Variants in CDC42BPA observed in about 807,000 individuals in gnomAD.
CDC42BPA encodes serine/threonine-protein kinase MRCK alpha.
CDC42BPA carries 80 observed loss-of-function variants against 223.5 expected under a neutral mutation model. That is an observed-to-expected ratio of 0.36 (90% CI 0.30 to 0.43). The LOEUF (loss-of-function observed/expected upper bound fraction) is 0.43, where lower values mean the gene tolerates loss of function less well. Among genes scored for constraint, CDC42BPA ranks in the 20% least tolerant of loss-of-function variants. CDC42BPA has a pLI of 1.00. For missense variants in CDC42BPA, 1,743 were observed against 2,099.9 expected (o/e 0.83, Z 3.32); for synonymous variants, 694 against 718.6 (o/e 0.97, Z 0.55).
At chr1:227,123,845 G>A (rs1030196627) in intron 11 of CDC42BPA, among the ~76,000 whole-genome samples, 2 of 151,558 alleles carry the variant, frequency 1.3e-5, no homozygotes, top group Non-Finnish European at 2.9e-5. Flanking sequence ...AGGGAGGGGA[G>A]AGAGAGAGAG....
chr1:227,006,000 T>C (rs1237013030), intron 34 of CDC42BPA, among the ~76,000 whole-genome samples: 1 of 152,342 alleles, frequency 6.6e-6, no homozygotes, highest in Non-Finnish European at 1.5e-5. Flanking sequence ...GATGAGATGT[T>C]GGGGCTGACA....
At chr1:227,017,374 C>G (rs1482496084) in intron 32 of CDC42BPA, among the ~76,000 whole-genome samples, 1 of 152,160 alleles carries the variant, frequency 6.6e-6, no homozygotes, top group African/African-American at 2.4e-5. Flanking sequence ...TATCTCAATA[C>G]TATATTTTCT....
chr1:227,021,292 T>C (rs898290296), intron 32 of CDC42BPA, among the ~76,000 whole-genome samples: 11 of 152,146 alleles, frequency 7.2e-5, no homozygotes, highest in African/African-American at 2.7e-4. Flanking sequence ...ATGTAGTATC[T>C]GTGGAGCACG....
intron 23 of CDC42BPA, among the ~76,000 whole-genome samples, chr1:227,046,348 C>G (rs1278839732): frequency 6.6e-6 from 1 of 152,002 alleles, no homozygotes; most frequent in Admixed American, 6.6e-5. Context: ...GATATCCTCT[C>G]CAAGCAGAGT....
chr1:227,102,565 A>C (rs555786), intron 14 of CDC42BPA, among the ~76,000 whole-genome samples: 7,706 of 152,276 alleles, frequency 0.051, 431 homozygotes, highest in East Asian at 0.25. Context: ...GGATGGCAGC[A>C]GCATGTACAG....
Position 227,134,997 on chromosome 1 carries a change from T to C in CDC42BPA, c.1390+4579A>G, listed in dbSNP as rs568583726. ...CTTTGGTTTATTTTACTTAGTTCTC[T>C]TTGCTTTTTCAGTTGGAGTTGGGAA... On this transcript the variant is annotated intron_variant, in intron 10 of 36. Coordinates refer to ENST00000366766, the MANE Select transcript of CDC42BPA (RefSeq NM_001394014.1). Among the ~76,000 whole-genome samples, 5 of 152,358 alleles carry C rather than the reference T, an allele frequency of 3.3e-5. No individual in the cohort carries two copies. In the South Asian group the frequency reaches 1.0e-3, roughly 32 times the overall value.
At chr1:227,211,353 G>A (rs926602993) in intron 3 of CDC42BPA, among the ~76,000 whole-genome samples, 13 of 152,046 alleles carry the variant, frequency 8.6e-5, no homozygotes, top group African/African-American at 2.9e-4. Flanking sequence ...AAAACAGTAC[G>A]TCGATTTCTC....
At chr1:227,080,156 T>A (rs1680340674) in intron 17 of CDC42BPA, among the ~76,000 whole-genome samples, 1 of 152,118 alleles carries the variant, frequency 6.6e-6, no homozygotes, top group Admixed American at 6.5e-5. Flanking sequence ...GCTCAACCTG[T>A]ATTTGTTTTG....
chr1:226,993,976 T>C lies in CDC42BPA; in HGVS notation c.*292A>G. ...ACTTACATTTGTGTAATCTGTCTAT[T>C]TAAGCTACCTTTGGGAGTAGGGGTA... is the stretch of plus-strand genomic sequence containing the variant. On this transcript the variant is annotated 3_prime_UTR_variant, in exon 37 of 37. Coordinates refer to ENST00000366766, the MANE Select transcript of CDC42BPA (RefSeq NM_001394014.1). The C allele has an allele frequency of 3.3e-6, 1 of 301,236 alleles. No homozygotes were observed. The highest frequency in any genetic ancestry group is 6.3e-6 in the Non-Finnish European group (1 of 158,388). 18.7% of individuals were successfully genotyped at this position (301,236 alleles called of 1,614,324 possible).
At chr1:227,245,967 T>G (rs1202256546) in intron 2 of CDC42BPA, among the ~76,000 whole-genome samples, 2 of 152,150 alleles carry the variant, frequency 1.3e-5, no homozygotes, top group African/African-American at 4.8e-5. Context: ...TGTCTTGCTT[T>G]CAGGTATCAC....
chr1:227,156,199 A>G (rs4595342), intron 6 of CDC42BPA, among the ~76,000 whole-genome samples: 127,701 of 151,584 alleles, frequency 0.84, 54,080 homozygotes, highest in Middle Eastern at 0.91. Flanking sequence ...CACCCAGGCT[A>G]GAATGCAATG....
intron 12 of CDC42BPA, among the ~76,000 whole-genome samples, chr1:227,119,119 T>A (rs1189167286): frequency 6.6e-6 from 1 of 152,136 alleles, no homozygotes; most frequent in East Asian, 1.9e-4. Context: ...TGCCACAAAC[T>A]ACTGATTTCT....
Position 227,165,760 on chromosome 1 carries a change from A to G in CDC42BPA, c.600-5124T>C, listed in dbSNP as rs890473728. On this transcript the variant is annotated intron_variant, in intron 5 of 36. Transcript: ENST00000366766. ...AATTCGCAAATCTAGAAACATCAAC[A>G]TATCAGGACATTAGAGATATGGGGC... 5.3e-5 allele frequency among the ~76,000 whole-genome samples: 8 copies of G among 152,322 alleles called. No homozygotes were observed. In the East Asian group the frequency reaches 1.3e-3, roughly 26 times the overall value.
intron 5 of CDC42BPA, among the ~76,000 whole-genome samples, chr1:227,162,938 GTGTTTCCAAACATATA>G (rs1428284162): frequency 1.4e-5 from 2 of 147,998 alleles, no homozygotes; most frequent in Admixed American, 6.7e-5. Context: ...ACATATGTGT[GTGTTTCCAAACATATA>G]TGTTTCCAAA....
chr1:227,022,294 G>A (rs1458429970), intron 32 of CDC42BPA, among the ~76,000 whole-genome samples: 1 of 151,970 alleles, frequency 6.6e-6, no homozygotes. Flanking sequence ...TTAGCTGGGT[G>A]TGGTGGTGCA....
chr1:227,148,533 C>A (rs932145008), intron 6 of CDC42BPA, among the ~76,000 whole-genome samples: 2 of 151,590 alleles, frequency 1.3e-5, no homozygotes, highest in African/African-American at 4.8e-5. Flanking sequence ...GACTTGAAAA[C>A]CCTTCCATTA....
chr1:227,029,968 C>G (rs1209293038), intron 29 of CDC42BPA, among the ~76,000 whole-genome samples: 1 of 152,000 alleles, frequency 6.6e-6, no homozygotes, highest in Non-Finnish European at 1.5e-5. Flanking sequence ...AACCTCATCT[C>G]TACTAAAAAT....
chr1:227,307,530 T>C (rs1054711542), intron 1 of CDC42BPA, among the ~76,000 whole-genome samples: 3 of 152,106 alleles, frequency 2.0e-5, no homozygotes, highest in Non-Finnish European at 4.4e-5. Context: ...TTAAATGGTT[T>C]CTACAGCAAA....
chr1:227,239,859 T>C (rs2148093831), intron 2 of CDC42BPA, among the ~76,000 whole-genome samples: 1 of 152,224 alleles, frequency 6.6e-6, no homozygotes, highest in South Asian at 2.1e-4. Context: ...AGTTCAGGAA[T>C]AAGGTAAGGA....
Sources: gnomAD v4.1 joint callset for allele counts (sites outside exome capture counted in the v4.1 genomes callset) on GRCh38, gnomAD v4.1.1 for gene constraint, MANE v1.5 for transcripts, NCBI Gene and HGNC (gene_info 2026-07-23, HGNC 2026-07-21) for gene names.